FOXO3: variants seen among roughly 807,000 people sequenced by gnomAD.
FOXO3 encodes forkhead box O3.
A neutral mutation model predicts 41.9 loss-of-function variants in FOXO3; 4 were observed. The ratio of observed to expected loss-of-function variants is 0.10; its 90% CI spans 0.05 to 0.22. The LOEUF is 0.22. Among genes scored for constraint, FOXO3 ranks in the 10% least tolerant of loss-of-function variants. The pLI is 1.00. For missense variants in FOXO3, 534 were observed against 906.8 expected (o/e 0.59, Z 5.28); for synonymous variants, 318 against 389.3 (o/e 0.82, Z 2.16).
Position 108,561,503 on chromosome 6 carries a change from C to T in FOXO3, c.295C>T (p.Arg99Trp), listed in dbSNP as rs79884776. 5,623 of 1,454,292 alleles carry T rather than the reference C, an allele frequency of 3.9e-3. No homozygotes were observed. The African/African-American group carries it at 0.076, about 20-fold the overall frequency. 90.1% of individuals were successfully genotyped at this position (1,454,292 alleles called of 1,614,324 possible). Reference sequence around the variant, plus strand: ...CGGGCTGCTCCTTGAGGACTCGGCCCGGGTGCTGGCACCCGGAGGGCAAGA... The same window carrying T: ...CGGGCTGCTCCTTGAGGACTCGGCCTGGGTGCTGGCACCCGGAGGGCAAGA... ...GSGLLLEDSA[R>W]VLAPGGQDPG... The change falls in exon 1 of 3, where the codon CGG (arginine) becomes TGG (tryptophan). Residue 99 changes from arginine to tryptophan, a missense_variant. Physicochemically the swap from Arg to Trp is moderately radical, Grantham distance 101. This residue lies in a region of FOXO3 where 139 missense variants were observed against 163.7 expected (regional missense o/e 0.85). Transcript: ENST00000406360.
chr6:108,629,798 G>A (rs1777912207), intron 1 of FOXO3, among the ~76,000 whole-genome samples: 1 of 151,984 alleles, frequency 6.6e-6, no homozygotes, highest in Non-Finnish European at 1.5e-5. Context: ...TAGATAATAA[G>A]CCAGTGAAAT....
chr6:108,612,133 A>C (rs1360309486), intron 1 of FOXO3, among the ~76,000 whole-genome samples: 1 of 152,118 alleles, frequency 6.6e-6, no homozygotes, highest in Non-Finnish European at 1.5e-5. Flanking sequence ...AATTTCTCTC[A>C]GCAGTGTTTA....
chr6:108,573,701 C>T (rs865889683), intron 1 of FOXO3, among the ~76,000 whole-genome samples: 1 of 151,014 alleles, frequency 6.6e-6, no homozygotes, highest in South Asian at 2.1e-4. Context: ...TGGTGGCTGG[C>T]GCCTGTAATC....
At chr6:108,625,602 T>C (rs1321116193) in intron 1 of FOXO3, among the ~76,000 whole-genome samples, 3 of 152,196 alleles carry the variant, frequency 2.0e-5, no homozygotes, top group Non-Finnish European at 4.4e-5. Flanking sequence ...AAATCCTTGC[T>C]CTGGGAAGCT....
chr6:108,563,791 T>C, intron 1 of FOXO3, among the ~76,000 whole-genome samples: 1 of 152,200 alleles, frequency 6.6e-6, no homozygotes, highest in Non-Finnish European at 1.5e-5. Flanking sequence ...TTTAATGAAC[T>C]TTATTTTTGG....
intron 2 of FOXO3, among the ~76,000 whole-genome samples, chr6:108,675,584 A>C (rs1037626554): frequency 2.6e-5 from 4 of 152,230 alleles, no homozygotes; most frequent in African/African-American, 9.6e-5. Flanking sequence ...TTCCATATTT[A>C]GTCCCCAGCT....
At position 108,561,073 on chromosome 6, in the gene FOXO3, G is replaced by A; in HGVS notation, c.-136G>A. On this transcript the variant is annotated 5_prime_UTR_variant, in exon 1 of 3. Transcript: ENST00000406360. ...AACCAACTCTCCTTCTCTCTTCTTT[G>A]GTGCTTCCCCAGGCGGCGGCGGCGG... is the stretch of plus-strand genomic sequence containing the variant. 2 of 1,428,872 alleles carry A rather than the reference G, an allele frequency of 1.4e-6. No individual in the cohort carries two copies. Among genetic ancestry groups the A allele is most frequent in the Non-Finnish European group, 9.1e-7 (1 of 1,101,342 alleles). 88.5% of individuals were successfully genotyped at this position (1,428,872 alleles called of 1,614,324 possible).
Position 108,663,679 on chromosome 6 carries a change from C to T in FOXO3, c.846C>T (p.Asp282=), listed in dbSNP as rs138297794. The T allele has an allele frequency of 3.6e-5, 58 of 1,612,938 alleles. No homozygotes were observed. Among genetic ancestry groups the T allele is most frequent in the Middle Eastern group, 1.6e-4 (1 of 6,076 alleles). Residue 282 remains aspartate (D), a synonymous_variant, in exon 2 of 3, where the codon GAC becomes GAT. Coordinates refer to ENST00000406360, the MANE Select transcript of FOXO3 (RefSeq NM_001455.4). The part of the protein sequence containing the change: ...AALQTAPESA[D]DSPSQLSKWP... ...TGCAGACAGCCCCCGAATCAGCTGA[C>T]GACAGTCCCTCCCAGCTCTCCAAGT...
At chr6:108,563,846 G>A (rs574819874) in intron 1 of FOXO3, among the ~76,000 whole-genome samples, 162 of 152,178 alleles carry the variant, frequency 1.1e-3, no homozygotes, top group African/African-American at 3.6e-3. Flanking sequence ...AAGTAGCCGC[G>A]AATTGAGATT....
At chr6:108,574,294 G>GT (rs894584875) in intron 1 of FOXO3, among the ~76,000 whole-genome samples, 4 of 152,122 alleles carry the variant, frequency 2.6e-5, no homozygotes, top group African/African-American at 9.7e-5. Context: ...TGTGACCATG[G>GT]TTTACTATGG....
intron 2 of FOXO3, among the ~76,000 whole-genome samples, chr6:108,669,400 A>G (rs574456092): frequency 6.6e-6 from 1 of 152,350 alleles, no homozygotes; most frequent in East Asian, 1.9e-4. Context: ...AATACAGGTA[A>G]TATAGACTGT....
At chr6:108,659,358 GATTAAATGGTGACTTC>G (rs1187888886) in intron 1 of FOXO3, among the ~76,000 whole-genome samples, 3 of 152,154 alleles carry the variant, frequency 2.0e-5, no homozygotes, top group African/African-American at 7.2e-5. Flanking sequence ...AGCCCAAGTA[GATTAAATGGTGACTTC>G]TGCATAATTT....
At chr6:108,592,318 G>C (rs1037210398) in intron 1 of FOXO3, among the ~76,000 whole-genome samples, 3 of 152,174 alleles carry the variant, frequency 2.0e-5, no homozygotes, top group Admixed American at 1.3e-4. Context: ...ACCGAAAAAA[G>C]GGGTTAGAAA....
Position 108,602,701 on chromosome 6 carries a change from A to G in FOXO3, c.621+40872A>G, listed in dbSNP as rs565645003. Among the ~76,000 whole-genome samples, 6 of 152,182 alleles carry G rather than the reference A, an allele frequency of 3.9e-5. No individual in the cohort carries two copies. In the South Asian group the frequency reaches 1.2e-3, roughly 31 times the overall value. On this transcript the variant is annotated intron_variant, in intron 1 of 2. Coordinates refer to ENST00000406360, the MANE Select transcript of FOXO3 (RefSeq NM_001455.4). ...TTATTAACAAAGGTTATTTTTTTAT[A>G]ATAGATGTGGATAACTTTTTATAAA...
chr6:108,624,447 G>T (rs1383955836), intron 1 of FOXO3, among the ~76,000 whole-genome samples: 4 of 152,168 alleles, frequency 2.6e-5, no homozygotes, highest in Non-Finnish European at 5.9e-5. Context: ...TATCAGGCCA[G>T]TAGGTTTTTT....
At chr6:108,622,521 G>A (rs1777697885) in intron 1 of FOXO3, among the ~76,000 whole-genome samples, 1 of 152,128 alleles carries the variant, frequency 6.6e-6, no homozygotes, top group South Asian at 2.1e-4. Context: ...ATTGTTTTTG[G>A]TGTTTTTTTG....
intron 1 of FOXO3, among the ~76,000 whole-genome samples, chr6:108,571,468 A>T (rs1398141166): frequency 6.6e-6 from 1 of 152,194 alleles, no homozygotes; most frequent in Non-Finnish European, 1.5e-5. Flanking sequence ...TCTTTCCTGA[A>T]GTAATTAGTT....
At chr6:108,583,978 C>CT (rs1562233528) in intron 1 of FOXO3, among the ~76,000 whole-genome samples, 2 of 152,194 alleles carry the variant, frequency 1.3e-5, no homozygotes, top group African/African-American at 4.8e-5. Context: ...GTGGTGCTGG[C>CT]TTCTGCAGCC....
chr6:108,625,905 C>G (rs543484555), intron 1 of FOXO3, among the ~76,000 whole-genome samples: 13 of 152,320 alleles, frequency 8.5e-5, no homozygotes, highest in Non-Finnish European at 2.9e-5. Flanking sequence ...TTCCCTGCCT[C>G]CTGCCTCCTT....
Sources: gnomAD v4.1 joint callset for allele counts (sites outside exome capture counted in the v4.1 genomes callset) on GRCh38, gnomAD v4.1.1 for gene constraint, gnomAD v4.1.1 regional missense constraint, MANE v1.5 for transcripts, NCBI Gene and HGNC (gene_info 2026-07-23, HGNC 2026-07-21) for gene names.